The following CTNNA3 variants were observed in gnomAD, a reference collection of about 807,000 sequenced individuals.
CTNNA3 encodes the protein catenin alpha 3, also known as catenin alpha-3.
CTNNA3 carries 76 observed loss-of-function variants against 95.7 expected under a neutral mutation model. The observed-to-expected ratio is 0.79, with a 90% CI of 0.66 to 0.96. CTNNA3 has a LOEUF of 0.96. Ranked by LOEUF, CTNNA3 falls within the 40% of genes least tolerant of loss-of-function variation. The pLI is 0.00. For missense variants in CTNNA3, 1,191 were observed against 1,089.8 expected (o/e 1.09, Z -1.31); for synonymous variants, 431 against 374.4 (o/e 1.15, Z -1.74).
chr10:66,633,146 G>C (rs1203851213), intron 9 of CTNNA3, among the ~76,000 whole-genome samples: 1 of 152,112 alleles, frequency 6.6e-6, no homozygotes, highest in Non-Finnish European at 1.5e-5. Context: ...CAGAACTGTA[G>C]CAATTCAATT....
At chr10:67,745,915 A>G (rs937202732) in intron 1 of CTNNA3, among the ~76,000 whole-genome samples, 1 of 152,186 alleles carries the variant, frequency 6.6e-6, no homozygotes, top group Admixed American at 6.5e-5. Flanking sequence ...CTGATGAAAG[A>G]AATTGAAGAG....
chr10:67,493,494 G>A (rs1315594153), intron 5 of CTNNA3, among the ~76,000 whole-genome samples: 14 of 151,248 alleles, frequency 9.3e-5, no homozygotes, highest in Admixed American at 5.9e-4. Flanking sequence ...CCCGGGAGGC[G>A]GAGCTTGCAG....
At chr10:66,019,816 T>C (rs987105598) in intron 15 of CTNNA3, among the ~76,000 whole-genome samples, 1 of 152,206 alleles carries the variant, frequency 6.6e-6, no homozygotes, top group Non-Finnish European at 1.5e-5. Context: ...GTAGGAATGT[T>C]AACTTTTTTT....
chr10:66,993,329 C>A (rs1851144281), intron 7 of CTNNA3, among the ~76,000 whole-genome samples: 1 of 152,100 alleles, frequency 6.6e-6, no homozygotes, highest in Non-Finnish European at 1.5e-5. Context: ...TCACTCAAAG[C>A]CACCTCTGCC....
intron 15 of CTNNA3, among the ~76,000 whole-genome samples, chr10:66,055,557 T>C (rs541662930): frequency 2.3e-4 from 35 of 152,330 alleles, no homozygotes; most frequent in African/African-American, 7.5e-4. Context: ...TTTTTATACA[T>C]TAATTTTGTA....
chr10:66,403,259 G>A (rs2456748), intron 11 of CTNNA3, among the ~76,000 whole-genome samples: 1 of 151,918 alleles, frequency 6.6e-6, no homozygotes, highest in East Asian at 1.9e-4. Context: ...ACCCTGCAAT[G>A]AAAGCCTTTC....
chr10:67,624,518 C>G (rs1843961702), intron 2 of CTNNA3, among the ~76,000 whole-genome samples: 1 of 152,192 alleles, frequency 6.6e-6, no homozygotes, highest in Non-Finnish European at 1.5e-5. Flanking sequence ...CATTCTCCTA[C>G]TATTCCCCTG....
intron 7 of CTNNA3, among the ~76,000 whole-genome samples, chr10:67,156,613 T>C (rs912730621): frequency 6.6e-6 from 1 of 152,116 alleles, no homozygotes; most frequent in Non-Finnish European, 1.5e-5. Flanking sequence ...TAATATTTAA[T>C]ATTTAGTTTC....
chr10:67,423,746 G>A (rs1845824122), intron 5 of CTNNA3, among the ~76,000 whole-genome samples: 1 of 152,076 alleles, frequency 6.6e-6, no homozygotes, highest in Admixed American at 6.6e-5. Context: ...TATTCTCTCA[G>A]ATTCATAGAA....
At chr10:66,759,003 C>T (rs915971723) in intron 9 of CTNNA3, among the ~76,000 whole-genome samples, 1 of 152,124 alleles carries the variant, frequency 6.6e-6, no homozygotes, top group Non-Finnish European at 1.5e-5. Context: ...GAATTTTGCA[C>T]ATGACAACTT....
chr10:67,229,356 A>G (rs1331786324), intron 5 of CTNNA3, among the ~76,000 whole-genome samples: 1 of 152,120 alleles, frequency 6.6e-6, no homozygotes, highest in Non-Finnish European at 1.5e-5. Flanking sequence ...CCCACAGTCA[A>G]CATTATACTG....
intron 7 of CTNNA3, among the ~76,000 whole-genome samples, chr10:67,064,063 C>CT (rs1855919444): frequency 2.0e-5 from 3 of 152,180 alleles, no homozygotes; most frequent in South Asian, 4.1e-4. Context: ...GACGCTTCAG[C>CT]TTTTCACTTA....
At chr10:66,786,857 A>C (rs1297190328) in intron 7 of CTNNA3, among the ~76,000 whole-genome samples, 1 of 152,142 alleles carries the variant, frequency 6.6e-6, no homozygotes, top group Non-Finnish European at 1.5e-5. Context: ...AGTGGTGTTC[A>C]AGTCAGTTAA....
At position 67,222,168 on chromosome 10, in the gene CTNNA3, ACT is replaced by A. The variant is rs1864692435; in HGVS notation, c.580-2300_580-2299del. ...AGTTCCTTCCCTTCTGAAAATAAAC[ACT>A]GTCTGCTACTTCACTCAGGCTTTGG... On this transcript the variant is annotated intron_variant, in intron 5 of 17. Transcript: ENST00000433211. 3.3e-5 allele frequency among the ~76,000 whole-genome samples: 5 copies of A among 152,286 alleles called. No homozygotes were observed. In the South Asian group the frequency reaches 8.3e-4, roughly 25 times the overall value.
intron 11 of CTNNA3, among the ~76,000 whole-genome samples, chr10:66,455,966 C>T (rs1404469854): frequency 6.6e-6 from 1 of 152,140 alleles, no homozygotes; most frequent in African/African-American, 2.4e-5. Flanking sequence ...ATTTACAACA[C>T]CTCAAAAATT....
chr10:66,205,288 T>A (rs2087688370), intron 13 of CTNNA3, among the ~76,000 whole-genome samples: 2 of 151,988 alleles, frequency 1.3e-5, no homozygotes, highest in African/African-American at 4.8e-5. Context: ...TTTTTTAAAA[T>A]CATCAACATT....
chr10:66,573,173 T>G (rs1037585445), intron 10 of CTNNA3, among the ~76,000 whole-genome samples: 2 of 152,194 alleles, frequency 1.3e-5, no homozygotes, highest in African/African-American at 4.8e-5. Flanking sequence ...TTCACTAAAG[T>G]GTGATATATT....
intron 13 of CTNNA3, among the ~76,000 whole-genome samples, chr10:66,164,167 C>T (rs7069327): frequency 0.032 from 4,847 of 152,068 alleles, 271 homozygotes; most frequent in African/African-American, 0.11. Context: ...TTGTCTGTAA[C>T]CAAAAATTAA....
chr10:67,475,853 G>T (rs7076866), intron 5 of CTNNA3, among the ~76,000 whole-genome samples: 1 of 152,172 alleles, frequency 6.6e-6, no homozygotes, highest in African/African-American at 2.4e-5. Flanking sequence ...CTGAATGGAG[G>T]TAAGAAATCA....
Sources: allele counts gnomAD v4.1 joint callset (sites outside exome capture counted in the v4.1 genomes callset), GRCh38; gene constraint gnomAD v4.1.1; transcripts MANE v1.5; gene names NCBI Gene and HGNC (gene_info 2026-07-23, HGNC 2026-07-21).